COL21A1: variants seen among roughly 807,000 people sequenced by gnomAD.
COL21A1 encodes the protein collagen alpha-1(XXI) chain.
In COL21A1, 149 loss-of-function variants were observed where a neutral mutation model predicts 137.9. The observed-to-expected ratio is 1.08, with a 90% CI of 0.95 to 1.24. COL21A1 has a LOEUF of 1.24. COL21A1 is among the 50% of genes most tolerant of loss of function. COL21A1 has a pLI of 0.00. For missense variants in COL21A1, 1,167 were observed against 1,158.4 expected (o/e 1.01, Z -0.11); for synonymous variants, 456 against 391.5 (o/e 1.16, Z -1.95).
At chr6:56,131,382 C>T (rs2152222800) in intron 12 of COL21A1, among the ~76,000 whole-genome samples, 1 of 150,808 alleles carries the variant, frequency 6.6e-6, no homozygotes, top group Middle Eastern at 3.4e-3. Context: ...AATAATTGGC[C>T]AGGTTGCAAG....
At chr6:56,360,769 A>G (rs911323267) in intron 1 of COL21A1, among the ~76,000 whole-genome samples, 14 of 152,080 alleles carry the variant, frequency 9.2e-5, no homozygotes, top group African/African-American at 3.1e-4. Context: ...CTTTTTTCTT[A>G]TTTGTATTTT....
In COL21A1 at chr6:56,165,907, T is replaced by TACACACAC. The variant is rs61397350; in HGVS notation, c.1278+991_1278+998dup. On this transcript the variant is annotated intron_variant, in intron 7 of 29. Transcript: ENST00000244728. Reference sequence around the variant, plus strand: ...TTTGCCCAGGGGAAAGGGGATTGATTACACACACACACACACACACACACA... The same window carrying TACACACAC: ...TTTGCCCAGGGGAAAGGGGATTGATTACACACACACACACACACACACACACACACACA... Among the ~76,000 whole-genome samples, 599 of 105,776 alleles carry TACACACAC rather than the reference T, an allele frequency of 5.7e-3. 5 individuals are homozygous for TACACACAC. Among genetic ancestry groups the TACACACAC allele is most frequent in the African/African-American group, 0.019 (551 of 28,670 alleles). 69.4% of individuals were successfully genotyped at this position (105,776 alleles called of 152,430 possible). A position where few individuals can be genotyped will look rare whatever the true frequency, so the allele number is the denominator to read the frequency against.
intron 21 of COL21A1, among the ~76,000 whole-genome samples, chr6:56,070,083 T>C (rs1766611861): frequency 6.6e-6 from 1 of 151,566 alleles, no homozygotes; most frequent in Non-Finnish European, 1.5e-5. Flanking sequence ...AATAATGCAT[T>C]GACATATTTA....
intron 1 of COL21A1, among the ~76,000 whole-genome samples, chr6:56,200,803 C>T (rs1447662267): frequency 6.6e-6 from 1 of 152,040 alleles, no homozygotes; most frequent in Non-Finnish European, 1.5e-5. Context: ...ATTTATAATC[C>T]TTTGGGTATA....
At chr6:56,118,615 A>C (rs896579113) in intron 16 of COL21A1, among the ~76,000 whole-genome samples, 1 of 152,006 alleles carries the variant, frequency 6.6e-6, no homozygotes, top group Admixed American at 6.6e-5. Context: ...ACCAGACAAA[A>C]ACATACCACA....
chr6:56,140,348 G>A (rs1448508814), intron 12 of COL21A1, among the ~76,000 whole-genome samples: 1 of 152,126 alleles, frequency 6.6e-6, no homozygotes, highest in Non-Finnish European at 1.5e-5. Context: ...TCTATTGTGT[G>A]ATATGTGAAG....
intron 1 of COL21A1, among the ~76,000 whole-genome samples, chr6:56,239,791 T>C (rs1271619024): frequency 6.6e-6 from 1 of 152,158 alleles, no homozygotes; most frequent in African/African-American, 2.4e-5. Flanking sequence ...ATGATGCCAA[T>C]GTGATTGTAT....
At chr6:56,332,422 G>A (rs1275397986) in intron 1 of COL21A1, among the ~76,000 whole-genome samples, 7 of 151,556 alleles carry the variant, frequency 4.6e-5, no homozygotes, top group African/African-American at 1.5e-4. Flanking sequence ...ATTCAGAAGT[G>A]CGTTCAAAAA....
intron 1 of COL21A1, among the ~76,000 whole-genome samples, chr6:56,353,710 C>A (rs1440569420): frequency 6.6e-6 from 1 of 152,040 alleles, no homozygotes; most frequent in Non-Finnish European, 1.5e-5. Flanking sequence ...ATGTGAATAA[C>A]CAGTTAGAAA....
chr6:56,131,619 C>A (rs1998699), intron 12 of COL21A1, among the ~76,000 whole-genome samples: 4 of 151,676 alleles, frequency 2.6e-5, no homozygotes, highest in African/African-American at 9.7e-5. Context: ...GACAGTGTGA[C>A]GCATGAAAAG....
chr6:56,067,521 G>A (rs530926706), intron 22 of COL21A1, among the ~76,000 whole-genome samples, 191 bp from the exon 23 acceptor site: 1 of 151,870 alleles, frequency 6.6e-6, no homozygotes, highest in South Asian at 2.1e-4. Flanking sequence ...AAATGATATT[G>A]TAAAAGAACA....
At chr6:56,143,344 G>A (rs1272326395) in intron 10 of COL21A1, among the ~76,000 whole-genome samples, 1 of 151,658 alleles carries the variant, frequency 6.6e-6, no homozygotes, top group Non-Finnish European at 1.5e-5. Context: ...GGGACTACAG[G>A]CGTCCACCAC....
chr6:56,342,373 G>A (rs548913185), intron 1 of COL21A1, among the ~76,000 whole-genome samples: 3 of 152,046 alleles, frequency 2.0e-5, no homozygotes, highest in Non-Finnish European at 2.9e-5. Flanking sequence ...GTTTTAATGC[G>A]GTTCATCCTA....
intron 1 of COL21A1, among the ~76,000 whole-genome samples, chr6:56,289,933 T>C (rs1339979565): frequency 1.3e-5 from 2 of 152,032 alleles, no homozygotes; most frequent in African/African-American, 4.8e-5. Context: ...AGTTATCTTG[T>C]GTAGCCCACC....
chr6:56,373,688 A>G (rs2093994139), intron 1 of COL21A1, among the ~76,000 whole-genome samples: 1 of 152,260 alleles, frequency 6.6e-6, no homozygotes, highest in African/African-American at 2.4e-5. Flanking sequence ...ATGTATACAT[A>G]GTGGAATGAC....
chr6:56,319,793 T>A (rs903438130), intron 1 of COL21A1, among the ~76,000 whole-genome samples: 2 of 152,172 alleles, frequency 1.3e-5, no homozygotes, highest in African/African-American at 4.8e-5. Context: ...ATGGAATATA[T>A]ACCTGACAGG....
At chr6:56,125,095 T>A (rs1210716924) in intron 14 of COL21A1, among the ~76,000 whole-genome samples, 3 of 135,154 alleles carry the variant, frequency 2.2e-5, no homozygotes, top group Non-Finnish European at 4.7e-5. Flanking sequence ...ATCTTGGCTC[T>A]CTGCAACCTC....
intron 22 of COL21A1, among the ~76,000 whole-genome samples, chr6:56,068,399 A>G (rs1398772045): frequency 6.6e-6 from 1 of 151,594 alleles, no homozygotes; most frequent in African/African-American, 2.4e-5. Flanking sequence ...ACAGGCATCA[A>G]TTGTTGCTCA....
chr6:56,164,748 G>A, intron 8 of COL21A1, 66 bp downstream of exon 8: 2 of 1,314,592 alleles, frequency 1.5e-6, no homozygotes, highest in South Asian at 2.9e-5. Context: ...ACAGTTGTTG[G>A]AAAAGAGCTA....
Sources: allele counts gnomAD v4.1 joint callset (sites outside exome capture counted in the v4.1 genomes callset), GRCh38; gene constraint gnomAD v4.1.1; transcripts MANE v1.5; gene names NCBI Gene and HGNC (gene_info 2026-07-23, HGNC 2026-07-21).